CYYR1: variants seen among roughly 807,000 people sequenced by gnomAD.
CYYR1 encodes cysteine and tyrosine-rich protein 1.
CYYR1 carries 14 observed loss-of-function variants against 15.2 expected under a neutral mutation model. That is an observed-to-expected ratio of 0.92 (90% CI 0.61 to 1.44). The LOEUF (loss-of-function observed/expected upper bound fraction) is 1.44. CYYR1 is among the 40% of genes most tolerant of loss of function. The pLI, the probability that CYYR1 is intolerant of heterozygous loss-of-function variation, is 0.00. For missense variants in CYYR1, 228 were observed against 209.5 expected (o/e 1.09, Z -0.54); for synonymous variants, 80 against 77.4 (o/e 1.03, Z -0.18).
chr21:26,517,522 G>C (rs1312557719), intron 2 of CYYR1, among the ~76,000 whole-genome samples: 1 of 152,086 alleles, frequency 6.6e-6, no homozygotes, highest in Non-Finnish European at 1.5e-5. Flanking sequence ...AAACTTCCTG[G>C]AATGGGGAGG....
In CYYR1 at chr21:26,476,509, C is replaced by T. The variant is rs564281090; in HGVS notation, c.334+3763G>A. Among the ~76,000 whole-genome samples, 169 of 152,186 alleles carry T rather than the reference C, an allele frequency of 1.1e-3. 1 individual carries two copies. In the South Asian group the frequency reaches 0.017, roughly 16 times the overall value. On this transcript the variant is annotated intron_variant, in intron 3 of 3. Coordinates refer to ENST00000652641, the MANE Select transcript of CYYR1 (RefSeq NM_001320768.2). ...TTCTTTTCAATTCTATAACTCCCTT[C>T]TACATTTATTCTTTGACATTCTTCT...
intron 2 of CYYR1, among the ~76,000 whole-genome samples, chr21:26,481,394 A>G (rs1166192434): frequency 2.0e-5 from 3 of 152,094 alleles, no homozygotes; most frequent in Non-Finnish European, 4.4e-5. Flanking sequence ...GGAATCTTAC[A>G]TATTGATTAA....
chr21:26,475,981 T>G (rs181730721), intron 3 of CYYR1, among the ~76,000 whole-genome samples: 2 of 152,286 alleles, frequency 1.3e-5, no homozygotes, highest in Admixed American at 1.3e-4. Context: ...TAATATTCAG[T>G]ACAAACACAG....
chr21:26,545,567 C>CTTTTTTTT lies in CYYR1; in HGVS notation c.176+20691_176+20698dup, dbSNP rs770885517. Among the ~76,000 whole-genome samples, 362 of 73,750 alleles carry CTTTTTTTT rather than the reference C, an allele frequency of 4.9e-3. 56 individuals carry two copies. Among genetic ancestry groups the CTTTTTTTT allele is most frequent in the African/African-American group, 0.016 (264 of 16,976 alleles). The allele number at this position is 73,750 out of a possible 152,430, so 48.4% of individuals were successfully genotyped here. On this transcript the variant is annotated intron_variant, in intron 2 of 3. Coordinates refer to ENST00000652641, the MANE Select transcript of CYYR1 (RefSeq NM_001320768.2). ...CCTTCTGGTTAATAAGATGCTTATT[C>CTTTTTTTT]TTTTTTTTTTTTTTTTTTTTTTTTT...
At chr21:26,525,183 T>C (rs2065848505) in intron 2 of CYYR1, among the ~76,000 whole-genome samples, 1 of 152,196 alleles carries the variant, frequency 6.6e-6, no homozygotes, top group Admixed American at 6.5e-5. Context: ...CTTTCTTCTC[T>C]TCCCTTTTAT....
intron 1 of CYYR1, among the ~76,000 whole-genome samples, chr21:26,570,696 T>A (rs1012552242): frequency 3.3e-5 from 5 of 152,248 alleles, no homozygotes; most frequent in African/African-American, 1.2e-4. Flanking sequence ...TAGATTTTTG[T>A]CCCACAAAGC....
At chr21:26,543,671 C>T (rs185672517) in intron 2 of CYYR1, among the ~76,000 whole-genome samples, 5 of 152,140 alleles carry the variant, frequency 3.3e-5, no homozygotes, top group East Asian at 1.9e-4. Flanking sequence ...TTTGGGAGGC[C>T]GAGGCGGGTG....
At chr21:26,547,889 G>A (rs1979093210) in intron 2 of CYYR1, among the ~76,000 whole-genome samples, 1 of 148,450 alleles carries the variant, frequency 6.7e-6, no homozygotes, top group African/African-American at 2.5e-5. Flanking sequence ...CATCATGTAT[G>A]AATAATGGAA....
intron 2 of CYYR1, among the ~76,000 whole-genome samples, chr21:26,527,083 ATGAGT>A (rs778744536): frequency 7.1e-4 from 108 of 152,334 alleles, no homozygotes; most frequent in Middle Eastern, 6.8e-3. Flanking sequence ...TGTTCACAAC[ATGAGT>A]GATCAGAAGT....
intron 2 of CYYR1, among the ~76,000 whole-genome samples, chr21:26,503,970 T>G (rs900303306): frequency 1.3e-5 from 2 of 152,154 alleles, no homozygotes; most frequent in Non-Finnish European, 2.9e-5. Context: ...CTATTATGTA[T>G]TATCGTTCTC....
intron 2 of CYYR1, among the ~76,000 whole-genome samples, chr21:26,506,395 C>T (rs755398793): frequency 2.6e-5 from 4 of 152,070 alleles, no homozygotes; most frequent in African/African-American, 4.8e-5. Context: ...TTTGGATTCA[C>T]GAATCCCATA....
chr21:26,476,187 T>C (rs547963401), intron 3 of CYYR1, among the ~76,000 whole-genome samples: 1 of 152,296 alleles, frequency 6.6e-6, no homozygotes, highest in African/African-American at 2.4e-5. Context: ...TTTTATTGAA[T>C]GTTCCCCAAC....
At chr21:26,550,368 A>T (rs1417387680) in intron 2 of CYYR1, 1 of 152,174 alleles carries the variant, frequency 6.6e-6, no homozygotes, top group Non-Finnish European at 1.5e-5. Flanking sequence ...GCCAATTAAT[A>T]ACTCTACAAT....
intron 2 of CYYR1, among the ~76,000 whole-genome samples, chr21:26,520,111 G>GATATATATATATAT (rs1491365888): frequency 0.028 from 2,297 of 82,492 alleles, 131 homozygotes; most frequent in African/African-American, 0.045. Context: ...AAAAACCCAG[G>GATATATATATATAT]AGATATATAT....
At chr21:26,492,982 T>C (rs527314683) in intron 2 of CYYR1, among the ~76,000 whole-genome samples, 14 of 152,198 alleles carry the variant, frequency 9.2e-5, no homozygotes, top group African/African-American at 3.4e-4. Context: ...GTTGTGTGTA[T>C]ATGTGTGTGT....
chr21:26,539,504 G>A (rs552177003), intron 2 of CYYR1, among the ~76,000 whole-genome samples: 5 of 152,280 alleles, frequency 3.3e-5, no homozygotes, highest in Non-Finnish European at 7.4e-5. Flanking sequence ...GAAAGAATAT[G>A]AGAAGTCTAA....
At chr21:26,535,006 A>G (rs222944) in intron 2 of CYYR1, among the ~76,000 whole-genome samples, 1,878 of 152,216 alleles carry the variant, frequency 0.012, 29 homozygotes, top group South Asian at 0.075. Context: ...TTATTTTATT[A>G]TTTATTTATT....
At chr21:26,518,275 G>A (rs1043081023) in intron 2 of CYYR1, among the ~76,000 whole-genome samples, 6 of 152,154 alleles carry the variant, frequency 3.9e-5, no homozygotes, top group Admixed American at 1.3e-4. Flanking sequence ...TGGTTTGAAC[G>A]TCTGTTCCAC....
intron 2 of CYYR1, among the ~76,000 whole-genome samples, chr21:26,526,455 C>A (rs995640457): frequency 6.6e-6 from 1 of 151,456 alleles, no homozygotes; most frequent in South Asian, 2.1e-4. Flanking sequence ...CCCCACCCCC[C>A]AACAACAACA....
Sources: gnomAD v4.1 joint callset for allele counts (sites outside exome capture counted in the v4.1 genomes callset) on GRCh38, gnomAD v4.1.1 for gene constraint, MANE v1.5 for transcripts, NCBI Gene and HGNC (gene_info 2026-07-23, HGNC 2026-07-21) for gene names.